Variants in NEBL observed in about 807,000 individuals in gnomAD.
NEBL encodes the protein LIM and SH3 protein 2.
A neutral mutation model predicts 140.2 loss-of-function variants in NEBL; 122 were observed. That is an observed-to-expected ratio of 0.87 (90% confidence interval 0.75 to 1.01). NEBL has a LOEUF of 1.01. Among genes scored for constraint, NEBL ranks in the 50% least tolerant of loss-of-function variants. The pLI is 0.00. For missense variants in NEBL, 1,365 were observed against 1,231.3 expected, an observed-to-expected ratio of 1.11 and a Z score of -1.62; for synonymous variants, 436 against 398.9, an observed-to-expected ratio of 1.09 and a Z score of -1.11.
At chr10:20,901,745 T>C (rs1588981679), upstream of NEBL, among the ~76,000 whole-genome samples, 1 of 152,336 alleles carries the variant, frequency 6.6e-6, no homozygotes, top group African/African-American at 2.4e-5. Flanking sequence ...TTTTGTTGCC[T>C]GGTTTTTGTT....
chr10:20,978,394 T>C (rs1257006791), intron 3 of NEBL, among the ~76,000 whole-genome samples: 1 of 151,488 alleles, frequency 6.6e-6, no homozygotes, highest in Admixed American at 6.6e-5. Context: ...ATCCTATTTA[T>C]GACATTTCTC....
chr10:21,034,722 T>C (rs905345254), intron 2 of NEBL, among the ~76,000 whole-genome samples: 25 of 152,226 alleles, frequency 1.6e-4, no homozygotes, highest in African/African-American at 4.8e-4. Flanking sequence ...CCAAATTTTA[T>C]ACATTAAATT....
intron 2 of NEBL, among the ~76,000 whole-genome samples, chr10:21,085,918 A>G (rs1263406034): frequency 1.3e-5 from 2 of 152,046 alleles, no homozygotes; most frequent in Admixed American, 1.3e-4. Context: ...GTTTAGATAT[A>G]CAGGAGGAGC....
At chr10:20,964,767 A>G (rs1354434009) in intron 3 of NEBL, among the ~76,000 whole-genome samples, 2 of 152,196 alleles carry the variant, frequency 1.3e-5, no homozygotes, top group Non-Finnish European at 2.9e-5. Flanking sequence ...CCACTGTCCA[A>G]TAATGAAGTC....
chr10:21,206,621 T>C (rs1051320807), intron 3 of NEBL, among the ~76,000 whole-genome samples: 1 of 152,170 alleles, frequency 6.6e-6, no homozygotes, highest in East Asian at 1.9e-4. Flanking sequence ...AGAAAAAGTT[T>C]TGTAGTAGGG....
intron 3 of NEBL, among the ~76,000 whole-genome samples, chr10:21,240,907 TACACACACACACAC>T (rs61704937): frequency 2.9e-5 from 4 of 137,380 alleles, no homozygotes; most frequent in African/African-American, 5.3e-5. Flanking sequence ...CACGCACACA[TACACACACACACAC>T]ACACACACAC....
At chr10:21,062,281 G>A (rs1213727864) in intron 2 of NEBL, among the ~76,000 whole-genome samples, 1 of 152,070 alleles carries the variant, frequency 6.6e-6, no homozygotes, top group Non-Finnish European at 1.5e-5. Context: ...AAGTTAAGGG[G>A]AGGGGAAAGA....
rs969685224 is a variant in NEBL, at chr10:21,059,848, G to A, written c.165-39647C>T. 7.4e-4 allele frequency among the ~76,000 whole-genome samples: 112 copies of A among 152,154 alleles called. 1 individual carries two copies. The highest frequency in any genetic ancestry group is 3.5e-4 in the Non-Finnish European group (24 of 68,014). Reference sequence around the variant, plus strand: ...ATGCCAATCTACAGCTCCAATTTATGAGGAACAAAATAAAGTCATAAGATG... The same window carrying A: ...ATGCCAATCTACAGCTCCAATTTATAAGGAACAAAATAAAGTCATAAGATG... On this transcript the variant is annotated intron_variant, in intron 2 of 6. Transcript: ENST00000417816.
intron 2 of NEBL, among the ~76,000 whole-genome samples, chr10:21,066,839 A>G (rs976359020): frequency 6.6e-6 from 1 of 152,034 alleles, no homozygotes. Flanking sequence ...TTTCTATTTA[A>G]CTGAATATTT....
At chr10:20,900,399 T>C (rs1847809656), upstream of NEBL, among the ~76,000 whole-genome samples, 4 of 152,212 alleles carry the variant, frequency 2.6e-5, no homozygotes, top group Admixed American at 2.6e-4. Context: ...AAGCACTGGC[T>C]GGGTGCGCAG....
chr10:20,859,465 C>G (rs1452191468), intron 8 of NEBL, among the ~76,000 whole-genome samples: 1 of 152,002 alleles, frequency 6.6e-6, no homozygotes, highest in African/African-American at 2.4e-5. Context: ...TAATCTATTT[C>G]CACTCTTGAA....
chr10:21,068,491 T>A (rs1200646214), intron 2 of NEBL, among the ~76,000 whole-genome samples: 1 of 152,198 alleles, frequency 6.6e-6, no homozygotes, highest in East Asian at 1.9e-4. Flanking sequence ...GGGAGGAACA[T>A]TCTTTCCCCT....
At chr10:20,808,154 T>C (rs1178773919) in intron 26 of NEBL, among the ~76,000 whole-genome samples, 1 of 152,002 alleles carries the variant, frequency 6.6e-6, no homozygotes, top group Non-Finnish European at 1.5e-5. Context: ...GGAAATCATA[T>C]AAAAACTATG....
At chr10:20,803,218 C>T (rs989875702) in intron 26 of NEBL, among the ~76,000 whole-genome samples, 1 of 152,016 alleles carries the variant, frequency 6.6e-6, no homozygotes, top group Non-Finnish European at 1.5e-5. Context: ...CTATAGTTAG[C>T]AAGAATATAT....
At chr10:21,202,620 G>A (rs1365239328) in intron 3 of NEBL, among the ~76,000 whole-genome samples, 1 of 151,756 alleles carries the variant, frequency 6.6e-6, no homozygotes, top group Non-Finnish European at 1.5e-5. Context: ...CTGCCACCAT[G>A]CCCGGCTAAT....
At chr10:20,860,573 A>AAC (rs1225439889) in intron 7 of NEBL, among the ~76,000 whole-genome samples, 1 of 149,684 alleles carries the variant, frequency 6.7e-6, no homozygotes, top group East Asian at 1.9e-4. Context: ...AAAAGAAAAA[A>AAC]AAAAAAAAAA....
chr10:20,869,379 G>A (rs961356538), intron 6 of NEBL, among the ~76,000 whole-genome samples: 7 of 152,136 alleles, frequency 4.6e-5, no homozygotes, highest in African/African-American at 1.4e-4. Flanking sequence ...GCAGCAATAT[G>A]GAAACAAGGC....
At chr10:21,159,687 C>G (rs1353251140) in intron 2 of NEBL, among the ~76,000 whole-genome samples, 1 of 152,208 alleles carries the variant, frequency 6.6e-6, no homozygotes, top group Non-Finnish European at 1.5e-5. Flanking sequence ...ACCTGTTTCC[C>G]TTCTTTTCCT....
At chr10:21,100,870 G>T (rs11012524) in intron 2 of NEBL, among the ~76,000 whole-genome samples, 225 of 152,332 alleles carry the variant, frequency 1.5e-3, no homozygotes, top group Non-Finnish European at 1.8e-3. Context: ...TTATCCATTA[G>T]ATGATGATAA....
Sources: gnomAD v4.1 joint callset for allele counts (sites outside exome capture counted in the v4.1 genomes callset) on GRCh38, gnomAD v4.1.1 for gene constraint, MANE v1.5 for transcripts, NCBI Gene and HGNC (gene_info 2026-07-23, HGNC 2026-07-21) for gene names.